PID1: variants seen among roughly 807,000 people sequenced by gnomAD.
PID1 encodes the protein PTB-containing, cubilin and LRP1-interacting protein.
In PID1, 10 loss-of-function variants were observed where a neutral mutation model predicts 19.1. The ratio of observed to expected loss-of-function variants is 0.52; its 90% CI spans 0.32 to 0.89. The LOEUF is 0.89. Ranked by LOEUF, PID1 falls within the 40% of genes least tolerant of loss-of-function variation. PID1 has a pLI of 0.03. For synonymous variants in PID1, 130 were observed against 116.0 expected (o/e 1.12, Z -0.78); for missense variants, 248 against 285.3 (o/e 0.87, Z 0.94).
At chr2:229,104,084 T>A (rs1239010120) in intron 2 of PID1, among the ~76,000 whole-genome samples, 1 of 150,560 alleles carries the variant, frequency 6.6e-6, no homozygotes, top group Admixed American at 6.6e-5. Flanking sequence ...TATTTGTTTA[T>A]TTTTTTACAA....
chr2:229,257,739 A>T (rs923309497), intron 1 of PID1, among the ~76,000 whole-genome samples: 3 of 152,162 alleles, frequency 2.0e-5, no homozygotes, highest in African/African-American at 4.8e-5. Flanking sequence ...ATGTTTTTAA[A>T]CTACTAGGTT....
chr2:229,114,478 G>C (rs1035810088), intron 2 of PID1, among the ~76,000 whole-genome samples: 1 of 152,122 alleles, frequency 6.6e-6, no homozygotes, highest in Admixed American at 6.5e-5. Flanking sequence ...TCAATCATTT[G>C]AAATTGCTCA....
intron 2 of PID1, among the ~76,000 whole-genome samples, chr2:229,040,317 C>CAACAAACAAACA (rs113818466): frequency 2.5e-4 from 37 of 150,974 alleles, no homozygotes; most frequent in African/African-American, 7.1e-4. Context: ...AAGACATCGT[C>CAACAAACAAACA]AACAAACAAA....
chr2:229,188,390 G>C (rs532102096), intron 1 of PID1, among the ~76,000 whole-genome samples: 91 of 152,158 alleles, frequency 6.0e-4, no homozygotes, highest in African/African-American at 2.1e-3. Context: ...GAAGAAAGGG[G>C]AAGAGAGTGA....
chr2:229,115,516 A>C (rs180684570), intron 2 of PID1, among the ~76,000 whole-genome samples: 2 of 152,150 alleles, frequency 1.3e-5, no homozygotes, highest in Non-Finnish European at 2.9e-5. Context: ...AATTTACTGT[A>C]AACTACACAT....
At chr2:229,085,861 A>T (rs954731031) in intron 2 of PID1, among the ~76,000 whole-genome samples, 3 of 152,144 alleles carry the variant, frequency 2.0e-5, no homozygotes, top group Admixed American at 2.0e-4. Flanking sequence ...GAGCATGAGG[A>T]AGCATTCAAG....
intron 1 of PID1, among the ~76,000 whole-genome samples, chr2:229,232,276 A>G (rs575520823): frequency 6.6e-6 from 1 of 151,848 alleles, no homozygotes; most frequent in Admixed American, 6.6e-5. Flanking sequence ...ACACAAAAAA[A>G]TAAAAATTAG....
rs569363450 is a variant in PID1 at position 229,143,126 on chromosome 2, T to C, written c.177+12692A>G. Among the ~76,000 whole-genome samples the C allele has an allele frequency of 3.3e-4, 48 of 146,952 alleles. 1 individual carries two copies. Among genetic ancestry groups the C allele is most frequent in the Admixed American group, 8.3e-4 (12 of 14,412 alleles). On this transcript the variant is annotated intron_variant, in intron 2 of 2. Transcript: ENST00000392055. ...AAACCAAACACCGCATATTCTCACT[T>C]ATAGGTGGGAATTGAACAATGAGAA...
chr2:229,113,494 ATG>A lies in PID1; in HGVS notation c.177+42322_177+42323del, dbSNP rs545538306. 3.4e-3 allele frequency among the ~76,000 whole-genome samples: 401 copies of A among 117,220 alleles called. 1 individual carries two copies. Among genetic ancestry groups the A allele is most frequent in the African/African-American group, 0.013 (380 of 30,198 alleles). The allele number at this position is 117,220 out of a possible 152,430, so 76.9% of individuals were successfully genotyped here. Reference sequence around the variant, plus strand: ...TATGTGTGTATATATATATACATGTATGTGTGTGTGTATACATATATATATAT... The same window carrying A: ...TATGTGTGTATATATATATACATGTATGTGTGTGTATACATATATATATAT... On this transcript the variant is annotated intron_variant, in intron 2 of 2. Transcript: ENST00000392055.
chr2:229,246,885 T>C (rs1349781648), intron 1 of PID1, among the ~76,000 whole-genome samples: 1 of 152,048 alleles, frequency 6.6e-6, no homozygotes, highest in Non-Finnish European at 1.5e-5. Context: ...ATTTAGCAAT[T>C]TGCAAAATGG....
At chr2:229,030,274 G>A (rs1363171362) in intron 2 of PID1, among the ~76,000 whole-genome samples, 1 of 152,176 alleles carries the variant, frequency 6.6e-6, no homozygotes, top group Admixed American at 6.5e-5. Context: ...CGAATGAGGA[G>A]TTACTGTTCA....
intron 1 of PID1, among the ~76,000 whole-genome samples, chr2:229,187,607 A>G (rs1188340077): frequency 1.3e-5 from 2 of 152,154 alleles, no homozygotes; most frequent in South Asian, 4.1e-4. Flanking sequence ...CCCTCCCACA[A>G]TACCTGGGAA....
At chr2:229,228,071 CA>C (rs1272361189) in intron 1 of PID1, 3 of 455,514 alleles carry the variant, frequency 6.6e-6, no homozygotes, top group African/African-American at 4.0e-5. Flanking sequence ...ATCCTGCAAC[CA>C]AAAGGCAAAT....
chr2:229,090,412 G>C (rs577819384), intron 2 of PID1, among the ~76,000 whole-genome samples: 1 of 152,284 alleles, frequency 6.6e-6, no homozygotes, highest in South Asian at 2.1e-4. Context: ...AGGGGGAAGG[G>C]AGGTGAGCTC....
At chr2:229,203,928 C>T (rs1197720057) in intron 1 of PID1, among the ~76,000 whole-genome samples, 1 of 152,012 alleles carries the variant, frequency 6.6e-6, no homozygotes, top group African/African-American at 2.4e-5. Flanking sequence ...ATAACTGGAC[C>T]TTATTGTAAT....
At chr2:229,064,745 G>A (rs1694284939) in intron 2 of PID1, among the ~76,000 whole-genome samples, 1 of 152,122 alleles carries the variant, frequency 6.6e-6, no homozygotes. Flanking sequence ...ATGAAAAGAA[G>A]TCTGAGGAAG....
At position 229,155,953 on chromosome 2, in the gene PID1, G is replaced by T; in HGVS notation, c.42C>A (p.Thr14=). The T allele has an allele frequency of 6.2e-7, 1 of 1,612,498 alleles. No homozygotes were observed. The highest frequency in any genetic ancestry group is 8.5e-7 in the Non-Finnish European group (1 of 1,179,618). The change falls in exon 2 of 3, where the codon ACC becomes ACA. Residue 14 remains threonine, a synonymous_variant. Coordinates refer to ENST00000392055, the MANE Select transcript of PID1 (RefSeq NM_001100818.2). The part of the protein sequence containing the change: ...PATERLQHFQ[T]MLKSKLNVLT... Reference sequence around the variant, plus strand: ...AGACATTCAATTTAGACTTCAGCATGGTCTGAAAGTGCTGAAAAGCAGAAA... The same window carrying T: ...AGACATTCAATTTAGACTTCAGCATTGTCTGAAAGTGCTGAAAAGCAGAAA...
In PID1 at chr2:229,148,204, A is replaced by C. The variant is rs1277881584; in HGVS notation, c.177+7614T>G. ...GATAAAGAGCTTTGCCAAAGCCACC[A>C]CGGCTGTTGGTGGAAAGACCACAGT... On this transcript the variant is annotated intron_variant, in intron 2 of 2. Coordinates refer to ENST00000392055, the MANE Select transcript of PID1 (RefSeq NM_001100818.2). Among the ~76,000 whole-genome samples the C allele has an allele frequency of 2.0e-5, 3 of 152,250 alleles. No homozygotes were observed. The East Asian group carries it at 5.8e-4, about 29-fold the overall frequency.
At chr2:229,102,713 G>GCAACTGTCCTGAGGGGCCTCTACCTGA (rs1352871535) in intron 2 of PID1, among the ~76,000 whole-genome samples, 3 of 152,140 alleles carry the variant, frequency 2.0e-5, no homozygotes, top group African/African-American at 7.2e-5. Flanking sequence ...GTTATAGATG[G>GCAACTGTCCTGAGGGGCCTCTACCTGA]CAACTGTCCT....
Sources: gnomAD v4.1 joint callset for allele counts (sites outside exome capture counted in the v4.1 genomes callset) on GRCh38, gnomAD v4.1.1 for gene constraint, MANE v1.5 for transcripts, NCBI Gene and HGNC (gene_info 2026-07-23, HGNC 2026-07-21) for gene names.